Variants in PIGN observed in about 807,000 individuals in gnomAD.
PIGN encodes the protein phosphatidylinositol glycan anchor biosynthesis class N, also known as GPI ethanolamine phosphate transferase 1.
In PIGN, 117 loss-of-function variants were observed where a neutral mutation model predicts 125.4. That is an observed-to-expected ratio of 0.93 (90% CI 0.80 to 1.09). The LOEUF is 1.09. PIGN is among the 50% of genes least tolerant of loss of function. PIGN has a pLI of 0.00. For synonymous variants in PIGN, 392 were observed against 377.8 expected, an observed-to-expected ratio of 1.04 and a Z score of -0.44; for missense variants, 1,075 against 1,094.9, an observed-to-expected ratio of 0.98 and a Z score of 0.26.
intron 14 of PIGN, among the ~76,000 whole-genome samples, chr18:62,117,813 T>C (rs901190436): frequency 5.9e-5 from 9 of 152,152 alleles, no homozygotes; most frequent in Non-Finnish European, 8.8e-5. Context: ...TGAGAACATG[T>C]AAAATTCGTC....
chr18:62,023,190 A>G (rs1471985844), intron 23 of PIGN, among the ~76,000 whole-genome samples: 1 of 152,182 alleles, frequency 6.6e-6, no homozygotes, highest in East Asian at 1.9e-4. Context: ...AAACATTTTC[A>G]TCACCCCTAA....
intron 14 of PIGN, among the ~76,000 whole-genome samples, chr18:62,117,695 T>C (rs2035139456): frequency 6.6e-6 from 1 of 152,260 alleles, no homozygotes; most frequent in Non-Finnish European, 1.5e-5. Flanking sequence ...ACAAGAAGGA[T>C]ATACATATAT....
At chr18:62,152,398 C>T (rs1305654340) in intron 7 of PIGN, among the ~76,000 whole-genome samples, 1 of 151,664 alleles carries the variant, frequency 6.6e-6, no homozygotes, top group Non-Finnish European at 1.5e-5. Flanking sequence ...TATAATGAGG[C>T]ATGTCCAACA....
In PIGN at chr18:62,072,735, A is replaced by AT. The variant is rs1212072365; in HGVS notation, c.2620-11_2620-10insA. ...CCAAGAAGAAAAAATGCTGTAAAAA[A>AT]AAAAAAAGGCTTAATGAAAAACAAA... On this transcript the variant is annotated splice_polypyrimidine_tract_variant and intron_variant, in intron 29 of 30. Transcript: ENST00000640252. 1 of 1,578,552 alleles carries AT rather than the reference A, an allele frequency of 6.3e-7. No individual in the cohort carries two copies. Among genetic ancestry groups the AT allele is most frequent in the East Asian group, 2.2e-5 (1 of 44,468 alleles).
intron 14 of PIGN, chr18:62,135,691 T>C (rs968346128): frequency 8.6e-5 from 13 of 150,304 alleles, no homozygotes; most frequent in African/African-American, 3.2e-4. Context: ...TGGTGGGATC[T>C]TGGCTCACTG....
chr18:62,023,748 C>T (rs615765), intron 23 of PIGN, among the ~76,000 whole-genome samples: 100,236 of 152,156 alleles, frequency 0.66, 34,547 homozygotes, highest in African/African-American at 0.87. Flanking sequence ...GAAGGCAACA[C>T]AACTGCACAC....
intron 28 of PIGN, among the ~76,000 whole-genome samples, chr18:62,078,737 G>A (rs1028661990): frequency 1.3e-5 from 2 of 152,172 alleles, no homozygotes; most frequent in Non-Finnish European, 1.5e-5. Context: ...AAGCTACTGT[G>A]TACCTAGATC....
chr18:62,097,466 A>G (rs1275799281), intron 22 of PIGN, among the ~76,000 whole-genome samples: 1 of 146,276 alleles, frequency 6.8e-6, no homozygotes, highest in East Asian at 2.0e-4. Context: ...ACACTTTTAC[A>G]CTGTTGGTGG....
In PIGN at chr18:62,179,242, G is replaced by A. The variant is rs1031915483; in HGVS notation, c.-236+7602C>T. ...TTGGCTGAGGCGGTTTGTTCAGTTT[G>A]TCCTCTGTAAAGTTCACTGTAAAGT... On this transcript the variant is annotated intron_variant, in intron 1 of 30. Coordinates refer to ENST00000640252, the MANE Select transcript of PIGN (RefSeq NM_176787.5). Among the ~76,000 whole-genome samples the A allele has an allele frequency of 5.3e-5, 8 of 152,088 alleles. 1 individual carries two copies. The highest frequency in any genetic ancestry group is 4.4e-5 in the Non-Finnish European group (3 of 68,014).
chr18:62,075,068 T>C (rs1055546314), intron 28 of PIGN: 56 of 313,474 alleles, frequency 1.8e-4, no homozygotes, highest in African/African-American at 1.1e-3. Context: ...ACATACATTA[T>C]GATTTTCAAA....
chr18:62,062,705 T>G (rs1009397959), intron 30 of PIGN, among the ~76,000 whole-genome samples: 18 of 151,980 alleles, frequency 1.2e-4, no homozygotes, highest in South Asian at 2.1e-4. Flanking sequence ...ATTAATAATA[T>G]AATATTTTAA....
intron 1 of PIGN, among the ~76,000 whole-genome samples, chr18:62,163,929 A>G (rs2037042446): frequency 6.6e-6 from 1 of 152,226 alleles, no homozygotes; most frequent in Non-Finnish European, 1.5e-5. Flanking sequence ...GAAATTATAC[A>G]GTATTTATTC....
At chr18:62,096,901 T>G (rs1357378196) in intron 22 of PIGN, among the ~76,000 whole-genome samples, 1 of 149,486 alleles carries the variant, frequency 6.7e-6, no homozygotes, top group African/African-American at 2.5e-5. Context: ...ATGGTGTATA[T>G]GTGCCACATT....
chr18:62,026,448 C>A (rs1478144716), intron 23 of PIGN, among the ~76,000 whole-genome samples: 3 of 152,120 alleles, frequency 2.0e-5, no homozygotes, highest in Non-Finnish European at 4.4e-5. Context: ...AAATTTCATT[C>A]TGTATTTGAT....
chr18:62,075,616 A>G (rs910965844), intron 28 of PIGN: 3 of 152,190 alleles, frequency 2.0e-5, no homozygotes, highest in African/African-American at 7.2e-5. Flanking sequence ...GGTTGTTTCT[A>G]CTTGTGGCTA....
Position 62,129,463 on chromosome 18 carries a change from A to G in PIGN, c.1172+8780T>C, listed in dbSNP as rs374923705. 3.3e-3 allele frequency among the ~76,000 whole-genome samples: 505 copies of G among 152,344 alleles called. 5 individuals are homozygous for G. The highest frequency in any genetic ancestry group is 0.012 in the African/African-American group (493 of 41,584). On this transcript the variant is annotated intron_variant, in intron 14 of 30. Coordinates refer to ENST00000640252, the MANE Select transcript of PIGN (RefSeq NM_176787.5). ...CTCAGCTGCTCTCTGAGGTATCAAC[A>G]AATCAAAAGTTCTCTTTCCAACACT...
At chr18:62,107,127 C>A in intron 17 of PIGN, 42 bp from the exon 18 acceptor site, 1 of 1,207,480 alleles carries the variant, frequency 8.3e-7, no homozygotes, top group South Asian at 1.3e-5. Flanking sequence ...AAAGTTAGGT[C>A]ATACATAGTA....
chr18:62,168,942 G>A (rs1029892739), intron 1 of PIGN, among the ~76,000 whole-genome samples: 7 of 141,952 alleles, frequency 4.9e-5, no homozygotes, highest in African/African-American at 1.3e-4. Flanking sequence ...CGCAACCTCC[G>A]CCTCCCAGGT....
Position 62,102,846 on chromosome 18 carries a change from A to G in PIGN, c.1916T>C (p.Met639Thr). ...LLSLCVVTSLMKRKDSFIKEE... is the reference protein window; with the variant it reads ...LLSLCVVTSLTKRKDSFIKEE... ...CTTTATAAAGCTATCTTTTCTTTTC[A>G]TGAGAGATGTTACAACACACAGGGA... Residue 639 changes from methionine to threonine, a missense_variant, in exon 21 of 31, where the codon ATG becomes ACG. Coordinates refer to ENST00000640252, the MANE Select transcript of PIGN (RefSeq NM_176787.5). 1 of 1,587,060 alleles carries G rather than the reference A, an allele frequency of 6.3e-7. No homozygotes were observed. Among genetic ancestry groups the G allele is most frequent in the South Asian group, 1.2e-5 (1 of 86,498 alleles).
Sources: gnomAD v4.1 joint callset for allele counts (sites outside exome capture counted in the v4.1 genomes callset) on GRCh38, gnomAD v4.1.1 for gene constraint, MANE v1.5 for transcripts, NCBI Gene and HGNC (gene_info 2026-07-23, HGNC 2026-07-21) for gene names.